HLTF: variants seen among roughly 807,000 people sequenced by gnomAD.
HLTF encodes the protein helicase like transcription factor.
HLTF carries 127 observed loss-of-function variants against 129.4 expected under a neutral mutation model. The ratio of observed to expected loss-of-function variants is 0.98; its 90% CI spans 0.85 to 1.14. The LOEUF (loss-of-function observed/expected upper bound fraction) is 1.14. Ranked by LOEUF, HLTF falls within the 50% of genes most tolerant of loss-of-function variation. The pLI, the probability that HLTF is intolerant of heterozygous loss-of-function variation, is 0.00. For missense variants in HLTF, 1,139 were observed against 1,187.1 expected (o/e 0.96, Z 0.60); for synonymous variants, 332 against 388.8 (o/e 0.85, Z 1.72).
chr3:149,048,116 A>C lies in HLTF; in HGVS notation c.1804T>G (p.Phe602Val). 6.2e-7 allele frequency: 1 copy of C among 1,612,720 alleles called. No homozygotes were observed. The highest frequency in any genetic ancestry group is 1.1e-5 in the South Asian group (1 of 90,922). ...TCAATAAATGGTTTAAGTTTTAAAA[A>C]GGAAAGAAGAGACCACAAGTCCTTT... ...SLKDLWSLLS[F>V]LKLKPFIDRE... The change falls in exon 17 of 25, where the codon TTT (phenylalanine) becomes GTT (valine). Residue 602 changes from phenylalanine to valine, a missense_variant. Transcript: ENST00000310053.
At chr3:149,043,559 A>C (rs894705464) in intron 18 of HLTF, among the ~76,000 whole-genome samples, 15 of 150,684 alleles carry the variant, frequency 1.0e-4, no homozygotes, top group Admixed American at 2.6e-4. Context: ...AAAAAAAAAA[A>C]AAAAAAAAAA....
chr3:149,067,576 G>A (rs1227751520), intron 8 of HLTF, among the ~76,000 whole-genome samples: 2 of 151,854 alleles, frequency 1.3e-5, no homozygotes, highest in Non-Finnish European at 2.9e-5. Flanking sequence ...AATCATAGCT[G>A]ACCATAGGCT....
intron 13 of HLTF, among the ~76,000 whole-genome samples, chr3:149,057,851 A>T (rs1199943993): frequency 6.6e-6 from 1 of 152,172 alleles, no homozygotes; most frequent in Admixed American, 6.5e-5. Context: ...CATGTACATT[A>T]TTTCTAATAT....
Position 149,032,338 on chromosome 3 carries a change from A to G in HLTF, c.2912T>C (p.Leu971Pro). The change falls in exon 25 of 25, where the codon CTG becomes CCG. Residue 971 changes from leucine to proline, a missense_variant. Coordinates refer to ENST00000310053, the MANE Select transcript of HLTF (RefSeq NM_003071.4). The part of the protein sequence containing the change: ...IVKDSVEENM[L>P]KIQNKKRELA... ...TTCTCTCTTTTTGTTTTGTATTTTC[A>G]GCATATTTTCTTCAACAGAGTCCTT... The G allele has an allele frequency of 1.3e-6, 2 of 1,586,356 alleles. No individual in the cohort carries two copies. The highest frequency in any genetic ancestry group is 1.7e-6 in the Non-Finnish European group (2 of 1,167,168).
Position 149,041,552 on chromosome 3 carries a change from T to C in HLTF, c.2314A>G (p.Ile772Val). ...ICLDSLTVPV[I>V]THCAHVFCKP... ...CAAAATACATGTGCACAATGTGTTA[T>C]CACAGGAACTGTTAAAGAATCCAGG... Residue 772 changes from isoleucine to valine, a missense_variant, in exon 20 of 25, where the codon ATA becomes GTA. Coordinates refer to ENST00000310053, the MANE Select transcript of HLTF (RefSeq NM_003071.4). 1 of 1,613,330 alleles carries C rather than the reference T, an allele frequency of 6.2e-7. No individual in the cohort carries two copies. The highest frequency in any genetic ancestry group is 1.3e-5 in the African/African-American group (1 of 75,026).
At position 149,062,482 on chromosome 3, in the gene HLTF, G is replaced by C. The variant is rs140693755; in HGVS notation, c.1160+949C>G. Among the ~76,000 whole-genome samples the C allele has an allele frequency of 2.8e-3, 429 of 152,348 alleles. 5 individuals carry two copies. The East Asian group carries it at 0.031, about 11-fold the overall frequency. On this transcript the variant is annotated intron_variant, in intron 10 of 24. Transcript: ENST00000310053. ...TTTCAAAACCTTTGTTGATGAAATAGCTAGCAGAGACAAATTTGCGATGAC... is the reference window on the plus strand; with the variant it reads ...TTTCAAAACCTTTGTTGATGAAATACCTAGCAGAGACAAATTTGCGATGAC...
At chr3:149,059,893 A>G in intron 12 of HLTF, 86 bp from the exon 13 acceptor site, 1 of 823,668 alleles carries the variant, frequency 1.2e-6, no homozygotes, top group South Asian at 1.6e-5. Context: ...AAGAAATAGA[A>G]TATCATTTTC....
chr3:149,041,071 G>A (rs541272918), intron 20 of HLTF, among the ~76,000 whole-genome samples: 14 of 152,096 alleles, frequency 9.2e-5, no homozygotes, highest in Admixed American at 2.6e-4. Context: ...TGTGCTGTAA[G>A]TATACACCAC....
Position 149,060,648 on chromosome 3 carries a change from G to T in HLTF, c.1280C>A (p.Ala427Glu), listed in dbSNP as rs138658648. Residue 427 changes from alanine to glutamate, a missense_variant, in exon 12 of 25, where the codon GCG (alanine) becomes GAG (glutamate). Transcript: ENST00000310053. Reference sequence around the variant, plus strand: ...GGTATATAGTATACACATACCTTTCGCCCTGCCTTTAGTTTCAGACTGTAC... The same window carrying T: ...GGTATATAGTATACACATACCTTTCTCCCTGCCTTTAGTTTCAGACTGTAC... ...KNVQSETKGR[A>E]KAGSSKVIED... 6.2e-7 allele frequency: 1 copy of T among 1,610,856 alleles called. No homozygotes were observed. Among genetic ancestry groups the T allele is most frequent in the East Asian group, 2.2e-5 (1 of 44,740 alleles).
At chr3:149,058,123 G>C (rs1287884723) in intron 13 of HLTF, among the ~76,000 whole-genome samples, 1 of 152,078 alleles carries the variant, frequency 6.6e-6, no homozygotes, top group Non-Finnish European at 1.5e-5. Flanking sequence ...TTTGAGACAT[G>C]GTCTCGCTCT....
chr3:149,059,488 AG>A, intron 13 of HLTF: 2 of 500,600 alleles, frequency 4.0e-6, no homozygotes, highest in South Asian at 4.5e-5. Flanking sequence ...CAGAGGAGTA[AG>A]GGCCCCCATC....
At chr3:149,081,376 C>G (rs1576629659) in intron 2 of HLTF, among the ~76,000 whole-genome samples, 1 of 151,618 alleles carries the variant, frequency 6.6e-6, no homozygotes, top group Admixed American at 6.6e-5. Flanking sequence ...CAACGCAATA[C>G]TTAACACGTT....
Position 149,071,591 on chromosome 3 carries a change from G to C in HLTF, c.694C>G (p.Pro232Ala). The part of the protein sequence containing the change: ...KEDDKTHEME[P>A]AEAIETPLLP... ...AAATATTGGTTCAATACCTCAGCTG[G>C]TTCCATTTCATGGGTTTTATCATCT... Residue 232 changes from proline (P) to alanine (A), a missense_variant, in exon 6 of 25, where the codon CCA becomes GCA. By Grantham distance (27) the Pro-to-Ala change is conservative. Coordinates refer to ENST00000310053, the MANE Select transcript of HLTF (RefSeq NM_003071.4). 6.3e-7 allele frequency: 1 copy of C among 1,591,670 alleles called. No individual in the cohort carries two copies. The highest frequency in any genetic ancestry group is 8.6e-7 in the Non-Finnish European group (1 of 1,162,710).
intron 17 of HLTF, 54 bp from the exon 18 acceptor site, chr3:149,046,313 T>C (rs1716548190): frequency 2.0e-6 from 2 of 981,566 alleles, no homozygotes; most frequent in African/African-American, 1.7e-5. Context: ...CATAAATTGA[T>C]CCAAGAAGAA....
At chr3:149,039,891 T>A in intron 21 of HLTF, 140 bp downstream of exon 21, 1 of 785,154 alleles carries the variant, frequency 1.3e-6, no homozygotes, top group Non-Finnish European at 1.9e-6. Flanking sequence ...AATTCACCAC[T>A]AAAAATAAAA....
At chr3:149,050,071 C>CA (rs1445245183) in intron 15 of HLTF, among the ~76,000 whole-genome samples, 161 bp downstream of exon 15, 2 of 142,918 alleles carry the variant, frequency 1.4e-5, no homozygotes, top group Non-Finnish European at 3.1e-5. Context: ...CCCTTTCACG[C>CA]AAAAAGTCAA....
chr3:149,065,272 CTT>C (rs1718264688), intron 8 of HLTF, among the ~76,000 whole-genome samples: 1 of 152,108 alleles, frequency 6.6e-6, no homozygotes, highest in Admixed American at 6.6e-5. Flanking sequence ...GTCATCCTCT[CTT>C]TCTCTAGAAT....
intron 23 of HLTF, among the ~76,000 whole-genome samples, chr3:149,037,222 G>A (rs1321355492): frequency 6.6e-6 from 1 of 152,084 alleles, no homozygotes; most frequent in African/African-American, 2.4e-5. Context: ...TGTAATCCCA[G>A]CACTTTGGGA....
rs138174505 is a variant in HLTF at position 149,069,002 on chromosome 3, A to C, written c.895-667T>G. ...ATGCAAAGTCAAAACTGTTTTTATAATACTACTAAGACAGACCTTACTCTG... is the reference window on the plus strand; with the variant it reads ...ATGCAAAGTCAAAACTGTTTTTATACTACTACTAAGACAGACCTTACTCTG... On this transcript the variant is annotated intron_variant, in intron 7 of 24. Coordinates refer to ENST00000310053, the MANE Select transcript of HLTF (RefSeq NM_003071.4). Among the ~76,000 whole-genome samples the C allele has an allele frequency of 5.0e-3, 759 of 152,246 alleles. 7 individuals are homozygous for C. Among genetic ancestry groups the C allele is most frequent in the African/African-American group, 0.018 (736 of 41,542 alleles).
Sources: allele counts gnomAD v4.1 joint callset (sites outside exome capture counted in the v4.1 genomes callset), GRCh38; gene constraint gnomAD v4.1.1; transcripts MANE v1.5; gene names NCBI Gene and HGNC (gene_info 2026-07-23, HGNC 2026-07-21).